CCDC171: variants seen among roughly 807,000 people sequenced by gnomAD.
CCDC171 encodes the protein coiled-coil domain containing 171.
In CCDC171, 177 loss-of-function variants were observed where a neutral mutation model predicts 168.2. The observed-to-expected ratio is 1.05, with a 90% confidence interval of 0.93 to 1.19. The LOEUF (loss-of-function observed/expected upper bound fraction) is 1.19, where lower values mean the gene tolerates loss of function less well. Ranked by LOEUF, CCDC171 falls within the 50% of genes most tolerant of loss-of-function variation. CCDC171 has a pLI of 0.00. For missense variants in CCDC171, 1,991 were observed against 1,539.0 expected (o/e 1.29, Z -4.91); for synonymous variants, 687 against 540.8 (o/e 1.27, Z -3.75).
intron 11 of CCDC171, among the ~76,000 whole-genome samples, chr9:15,706,532 C>G (rs762549374): frequency 1.3e-5 from 2 of 152,138 alleles, no homozygotes; most frequent in Admixed American, 6.5e-5. Flanking sequence ...AAGCAATCCT[C>G]CCACCCCAGC....
chr9:15,673,566 G>T (rs2049286800), intron 9 of CCDC171, among the ~76,000 whole-genome samples: 1 of 152,160 alleles, frequency 6.6e-6, no homozygotes, highest in Non-Finnish European at 1.5e-5. Context: ...AAGGGCTATT[G>T]AGTTCTGTCA....
Position 15,818,384 on chromosome 9 carries a change from A to G in CCDC171, c.3268-28318A>G, listed in dbSNP as rs943603557. ...AGTTGAGAGAAGAAGGCTTCAGAAGATAAAACTACTCCGAGCTAAAGGAGG... is the reference window on the plus strand; with the variant it reads ...AGTTGAGAGAAGAAGGCTTCAGAAGGTAAAACTACTCCGAGCTAAAGGAGG... On this transcript the variant is annotated intron_variant, in intron 21 of 25. Transcript: ENST00000380701. Among the ~76,000 whole-genome samples, 4 of 117,870 alleles carry G rather than the reference A, an allele frequency of 3.4e-5. 1 individual carries two copies. The highest frequency in any genetic ancestry group is 7.6e-5 in the Non-Finnish European group (4 of 52,476). The allele number at this position is 117,870 out of a possible 152,430, so 77.3% of individuals were successfully genotyped here.
At chr9:15,723,657 C>G (rs1448272925) in intron 12 of CCDC171, 24 bp from the exon 13 acceptor site, 1 of 1,568,240 alleles carries the variant, frequency 6.4e-7, no homozygotes, top group East Asian at 2.3e-5. Context: ...CTTTCATCAG[C>G]TAAACAGCAT....
chr9:15,980,672 C>G (rs986776765), intron 3 of CCDC171, among the ~76,000 whole-genome samples: 1 of 151,948 alleles, frequency 6.6e-6, no homozygotes, highest in Non-Finnish European at 1.5e-5. Flanking sequence ...TAAGATTTAC[C>G]ATTCTGTAAT....
At chr9:16,008,518 A>G (rs1832771330) in intron 3 of CCDC171, among the ~76,000 whole-genome samples, 1 of 152,212 alleles carries the variant, frequency 6.6e-6, no homozygotes, top group African/African-American at 2.4e-5. Context: ...CTGTTTCCCA[A>G]GTCTTTCTGA....
chr9:15,776,604 A>G (rs188955840), intron 18 of CCDC171, among the ~76,000 whole-genome samples: 82 of 152,330 alleles, frequency 5.4e-4, no homozygotes, highest in African/African-American at 1.9e-3. Context: ...ACATTGAGGA[A>G]TAAAATAAGT....
At chr9:15,837,386 T>G (rs952455699) in intron 21 of CCDC171, among the ~76,000 whole-genome samples, 20 of 152,254 alleles carry the variant, frequency 1.3e-4, no homozygotes, top group African/African-American at 4.8e-4. Flanking sequence ...GCAAGCTCTT[T>G]GTAACCAAAA....
intron 1 of CCDC171, among the ~76,000 whole-genome samples, chr9:15,559,364 G>T (rs1357758731): frequency 6.6e-6 from 1 of 151,648 alleles, no homozygotes; most frequent in Non-Finnish European, 1.5e-5. Context: ...TTGTATGGGA[G>T]TCTAAGTCTC....
intron 3 of CCDC171, among the ~76,000 whole-genome samples, chr9:15,998,962 A>G (rs1832452179): frequency 6.6e-6 from 1 of 152,170 alleles, no homozygotes; most frequent in African/African-American, 2.4e-5. Flanking sequence ...ACTTTTTCTG[A>G]AAAAATCTAA....
At chr9:15,749,158 C>T (rs1177335028) in intron 18 of CCDC171, among the ~76,000 whole-genome samples, 1 of 147,494 alleles carries the variant, frequency 6.8e-6, no homozygotes, top group African/African-American at 2.5e-5. Context: ...AAAAAAAAAG[C>T]AGGTGTTGCT....
At chr9:15,625,157 G>A (rs2044951830) in intron 7 of CCDC171, among the ~76,000 whole-genome samples, 1 of 152,048 alleles carries the variant, frequency 6.6e-6, no homozygotes, top group Non-Finnish European at 1.5e-5. Flanking sequence ...ACTTTTTGAT[G>A]GGGTTGTTTG....
At chr9:15,931,842 A>C (rs1826556458) in intron 25 of CCDC171, among the ~76,000 whole-genome samples, 1 of 151,460 alleles carries the variant, frequency 6.6e-6, no homozygotes, top group Admixed American at 6.6e-5. Flanking sequence ...TTACATGTGG[A>C]TATTTAGTTT....
chr9:16,057,646 C>G (rs1276904803), intron 1 of CCDC171, among the ~76,000 whole-genome samples: 2 of 152,168 alleles, frequency 1.3e-5, no homozygotes, highest in Non-Finnish European at 2.9e-5. Flanking sequence ...TGTGACCTGC[C>G]ACTGGGTCCC....
At chr9:15,807,124 T>A (rs1434352705) in intron 21 of CCDC171, among the ~76,000 whole-genome samples, 1 of 152,154 alleles carries the variant, frequency 6.6e-6, no homozygotes, top group Non-Finnish European at 1.5e-5. Context: ...TATGGTTTTA[T>A]CGCAGTTCTT....
chr9:16,049,011 C>T (rs1254770707), intron 1 of CCDC171, among the ~76,000 whole-genome samples: 2 of 150,900 alleles, frequency 1.3e-5, no homozygotes, highest in East Asian at 1.9e-4. Flanking sequence ...GATCAAAATC[C>T]CTAAAAATTA....
At chr9:15,564,978 A>G (rs1206829836) in intron 2 of CCDC171, among the ~76,000 whole-genome samples, 1 of 152,118 alleles carries the variant, frequency 6.6e-6, no homozygotes, top group Non-Finnish European at 1.5e-5. Context: ...GGACTGATCT[A>G]GACTGCCTTT....
At chr9:16,058,481 A>C (rs1833879113) in intron 1 of CCDC171, among the ~76,000 whole-genome samples, 1 of 152,190 alleles carries the variant, frequency 6.6e-6, no homozygotes, top group African/African-American at 2.4e-5. Context: ...TGTGAGCATG[A>C]AGATTCTCCA....
chr9:15,947,672 T>C (rs920398398), intron 25 of CCDC171, among the ~76,000 whole-genome samples: 2 of 152,008 alleles, frequency 1.3e-5, no homozygotes, highest in African/African-American at 4.8e-5. Flanking sequence ...CGAATGTGGG[T>C]ATACAAATAT....
At chr9:15,654,305 A>G (rs1006252549) in intron 7 of CCDC171, among the ~76,000 whole-genome samples, 2 of 152,202 alleles carry the variant, frequency 1.3e-5, no homozygotes, top group African/African-American at 4.8e-5. Flanking sequence ...TTGTAAAAGA[A>G]TATTTTGTGA....
Sources: allele counts gnomAD v4.1 joint callset (sites outside exome capture counted in the v4.1 genomes callset), GRCh38; gene constraint gnomAD v4.1.1; transcripts MANE v1.5; gene names NCBI Gene and HGNC (gene_info 2026-07-23, HGNC 2026-07-21).